ARB2A: variants seen among roughly 807,000 people sequenced by gnomAD.
ARB2A encodes the protein cotranscriptional regulator ARB2A.
At chr5:93,893,692 C>A in the ARB2A span, among the ~76,000 whole-genome samples, 1 of 152,134 alleles carries the variant, frequency 6.6e-6, no homozygotes, top group Non-Finnish European at 1.5e-5. Flanking sequence ...AGAAATATAA[C>A]ATTATGTCAT....
chr5:93,729,868 A>G, the ARB2A span, among the ~76,000 whole-genome samples: 1 of 151,546 alleles, frequency 6.6e-6, no homozygotes, highest in African/African-American at 2.4e-5. Context: ...TAAAACAATA[A>G]TTAAAAAATC....
the ARB2A span, chr5:94,050,763 A>C: frequency 6.2e-7 from 1 of 1,612,670 alleles, no homozygotes; most frequent in Non-Finnish European, 8.5e-7. Flanking sequence ...TTCTGGTTCC[A>C]TCTGTGTAAA....
the ARB2A span, chr5:93,621,191 G>A: frequency 2.7e-6 from 4 of 1,500,640 alleles, no homozygotes; most frequent in Non-Finnish European, 2.7e-6. Flanking sequence ...GGTGAGGGCG[G>A]CGAGGGCCAG....
At chr5:94,057,930 A>T in the ARB2A span, among the ~76,000 whole-genome samples, 4 of 152,188 alleles carry the variant, frequency 2.6e-5, no homozygotes, top group Non-Finnish European at 4.4e-5. Context: ...GGAAGCAGAG[A>T]AGGAGCGCAG....
the ARB2A span, among the ~76,000 whole-genome samples, chr5:93,779,626 C>T: frequency 4.6e-5 from 7 of 152,282 alleles, no homozygotes; most frequent in South Asian, 1.5e-3. Flanking sequence ...TGCAGCCTCC[C>T]CTAGTCCCAA....
the ARB2A span, among the ~76,000 whole-genome samples, chr5:93,968,904 A>C: frequency 2.6e-5 from 4 of 152,166 alleles, no homozygotes; most frequent in African/African-American, 9.6e-5. Context: ...GGAATTACTC[A>C]GTGTTGAAAG....
chr5:94,101,488 G>A, the ARB2A span, among the ~76,000 whole-genome samples: 1 of 152,102 alleles, frequency 6.6e-6, no homozygotes, highest in Non-Finnish European at 1.5e-5. Context: ...ACACAAGCAC[G>A]TGAATGTTCA....
the ARB2A span, among the ~76,000 whole-genome samples, chr5:93,855,477 A>G: frequency 6.6e-6 from 1 of 152,086 alleles, no homozygotes; most frequent in Non-Finnish European, 1.5e-5. Context: ...TAATATTGTT[A>G]TGTGTGAATT....
At chr5:93,986,370 C>T in the ARB2A span, among the ~76,000 whole-genome samples, 102 of 151,552 alleles carry the variant, frequency 6.7e-4, no homozygotes, top group Middle Eastern at 0.014. Context: ...AGGTGAGGGG[C>T]GCCCCCGCCC....
chr5:94,083,065 T>C, the ARB2A span, among the ~76,000 whole-genome samples: 5 of 152,178 alleles, frequency 3.3e-5, no homozygotes, highest in Non-Finnish European at 7.3e-5. Flanking sequence ...AAAATATTTT[T>C]TTCCCACAAA....
At chr5:94,046,214 T>A in the ARB2A span, among the ~76,000 whole-genome samples, 22 of 152,138 alleles carry the variant, frequency 1.4e-4, no homozygotes, top group Non-Finnish European at 3.1e-4. Context: ...GAGTTTAATT[T>A]TTTTTTATTA....
At chr5:94,094,083 C>T in the ARB2A span, among the ~76,000 whole-genome samples, 28 of 152,168 alleles carry the variant, frequency 1.8e-4, no homozygotes, top group African/African-American at 6.8e-4. Flanking sequence ...GCCACATGTA[C>T]ATTTTAAGGT....
At chr5:93,986,056 C>T in the ARB2A span, among the ~76,000 whole-genome samples, 7 of 148,532 alleles carry the variant, frequency 4.7e-5, no homozygotes, top group East Asian at 2.0e-4. Flanking sequence ...ATGTGAGGAG[C>T]GCCTCTGCCC....
chr5:93,746,021 T>C, the ARB2A span, among the ~76,000 whole-genome samples: 3 of 152,076 alleles, frequency 2.0e-5, no homozygotes, highest in Non-Finnish European at 4.4e-5. Context: ...GCTGAGTACT[T>C]TAAGGAATGA....
chr5:93,632,102 G>A, the ARB2A span, among the ~76,000 whole-genome samples: 1 of 152,102 alleles, frequency 6.6e-6, no homozygotes, highest in Non-Finnish European at 1.5e-5. Context: ...GAATATAAGG[G>A]CTCTGCACAC....
chr5:93,722,788 TA>T, the ARB2A span, among the ~76,000 whole-genome samples: 1 of 151,946 alleles, frequency 6.6e-6, no homozygotes, highest in African/African-American at 2.4e-5. Flanking sequence ...ACTGTAAACA[TA>T]AACAAAAGCC....
At chr5:93,906,265 G>C in the ARB2A span, among the ~76,000 whole-genome samples, 1 of 151,148 alleles carries the variant, frequency 6.6e-6, no homozygotes, top group East Asian at 1.9e-4. Context: ...TCATATTTTT[G>C]ACAAATAAAC....
chr5:93,801,705 T>C, the ARB2A span, among the ~76,000 whole-genome samples: 8 of 152,020 alleles, frequency 5.3e-5, no homozygotes, highest in Non-Finnish European at 1.2e-4. Context: ...ATGGCCAAGA[T>C]GTCTTTAATG....
the ARB2A span, among the ~76,000 whole-genome samples, chr5:93,723,983 A>G: frequency 2.0e-5 from 3 of 152,192 alleles, no homozygotes; most frequent in East Asian, 5.8e-4. Context: ...GTCATAACTG[A>G]ATTATTGAGA....
Sources: allele counts gnomAD v4.1 joint callset (sites outside exome capture counted in the v4.1 genomes callset), GRCh38; gene constraint gnomAD v4.1.1; transcripts MANE v1.5; gene names NCBI Gene and HGNC (gene_info 2026-07-23, HGNC 2026-07-21).